The following RPS6KC1 variants were observed in gnomAD, a reference collection of about 807,000 sequenced individuals.
The protein encoded by RPS6KC1 is ribosomal protein S6 kinase C1, also known as inactive ribosomal protein S6 kinase delta-1.
In RPS6KC1, 54 loss-of-function variants were observed where a neutral mutation model predicts 103.8. That is an observed-to-expected ratio of 0.52 (90% CI 0.42 to 0.65). RPS6KC1 has a LOEUF of 0.65. Among genes scored for constraint, RPS6KC1 ranks in the 30% least tolerant of loss-of-function variants. The pLI is 0.00. For synonymous variants in RPS6KC1, 439 were observed against 438.7 expected (o/e 1.00, Z -0.01); for missense variants, 1,151 against 1,253.8 (o/e 0.92, Z 1.24).
At chr1:213,505,617 A>G in the RPS6KC1 span, among the ~76,000 whole-genome samples, 1 of 152,210 alleles carries the variant, frequency 6.6e-6, no homozygotes, top group Non-Finnish European at 1.5e-5. Context: ...CTAACATGCC[A>G]GCATGTACAC....
the RPS6KC1 span, among the ~76,000 whole-genome samples, chr1:213,573,180 A>G: frequency 3.3e-5 from 5 of 152,232 alleles, no homozygotes; most frequent in Admixed American, 6.5e-5. Flanking sequence ...GGTTCCGTCA[A>G]TAAGAAACAG....
intron 8 of RPS6KC1, among the ~76,000 whole-genome samples, chr1:213,224,821 C>T (rs2093920677): frequency 1.3e-5 from 2 of 152,284 alleles, no homozygotes; most frequent in South Asian, 4.1e-4. Context: ...ATGTTTGGCT[C>T]CTTATGATCT....
the RPS6KC1 span, among the ~76,000 whole-genome samples, chr1:213,520,475 A>G: frequency 6.6e-6 from 1 of 152,088 alleles, no homozygotes; most frequent in Non-Finnish European, 1.5e-5. Context: ...TCAAGATGAG[A>G]TTTGGGCGGG....
the RPS6KC1 span, among the ~76,000 whole-genome samples, chr1:213,457,072 A>G: frequency 2.6e-5 from 4 of 152,328 alleles, no homozygotes; most frequent in African/African-American, 7.2e-5. Context: ...TTAAAATAAT[A>G]TAATAGTAAT....
chr1:213,521,133 C>G, the RPS6KC1 span, among the ~76,000 whole-genome samples: 1 of 151,884 alleles, frequency 6.6e-6, no homozygotes, highest in Non-Finnish European at 1.5e-5. Context: ...GTAAGTCTAC[C>G]TTATTATCCT....
At chr1:213,453,983 AAAT>A in the RPS6KC1 span, among the ~76,000 whole-genome samples, 2 of 152,234 alleles carry the variant, frequency 1.3e-5, no homozygotes, top group African/African-American at 2.4e-5. Flanking sequence ...AAGCTTTGTC[AAAT>A]AATAAAAAGG....
chr1:213,672,637 C>A, the RPS6KC1 span, among the ~76,000 whole-genome samples: 2 of 152,104 alleles, frequency 1.3e-5, no homozygotes, highest in East Asian at 3.9e-4. Context: ...TAGAGTTTTA[C>A]TCTACACTCT....
chr1:213,571,113 A>G, the RPS6KC1 span, among the ~76,000 whole-genome samples: 904 of 152,318 alleles, frequency 5.9e-3, 9 homozygotes, highest in African/African-American at 0.017. Context: ...TTTTGCCTGT[A>G]CAGATGTGGC....
chr1:213,180,160 A>G (rs2092174314), intron 8 of RPS6KC1, among the ~76,000 whole-genome samples: 1 of 151,158 alleles, frequency 6.6e-6, no homozygotes, highest in African/African-American at 2.5e-5. Context: ...GTTTAACCTG[A>G]TTAAAAAAAA....
intron 6 of RPS6KC1, among the ~76,000 whole-genome samples, chr1:213,152,251 C>T (rs1432315209): frequency 2.8e-4 from 40 of 145,278 alleles, no homozygotes; most frequent in African/African-American, 6.9e-4. Context: ...ACCTCCCTCC[C>T]GGACGGGGCG....
At chr1:213,803,604 T>G in the RPS6KC1 span, among the ~76,000 whole-genome samples, 1 of 152,026 alleles carries the variant, frequency 6.6e-6, no homozygotes, top group African/African-American at 2.4e-5. Flanking sequence ...CGTTTCAGAG[T>G]GGTCCAGAGT....
intron 12 of RPS6KC1, among the ~76,000 whole-genome samples, chr1:213,247,208 C>T (rs975765842): frequency 2.6e-5 from 4 of 152,198 alleles, no homozygotes; most frequent in African/African-American, 7.2e-5. Context: ...GATCTCCATG[C>T]TCCCAGATGT....
At chr1:213,652,350 G>T in the RPS6KC1 span, among the ~76,000 whole-genome samples, 7 of 152,318 alleles carry the variant, frequency 4.6e-5, no homozygotes, top group Middle Eastern at 3.4e-3. Flanking sequence ...GAGGCACACG[G>T]AAGTAAAGGA....
At chr1:213,250,633 G>A (rs528153760) in intron 12 of RPS6KC1, among the ~76,000 whole-genome samples, 1 of 152,296 alleles carries the variant, frequency 6.6e-6, no homozygotes, top group African/African-American at 2.4e-5. Context: ...CTCATTTCAA[G>A]TACAAGGTCC....
the RPS6KC1 span, among the ~76,000 whole-genome samples, chr1:213,522,117 A>G: frequency 2.0e-5 from 3 of 152,232 alleles, no homozygotes; most frequent in East Asian, 1.9e-4. Context: ...AAGTCAAATG[A>G]CTTCTTGATT....
the RPS6KC1 span, among the ~76,000 whole-genome samples, chr1:213,409,685 T>C: frequency 6.6e-6 from 1 of 152,220 alleles, no homozygotes; most frequent in Non-Finnish European, 1.5e-5. Context: ...GTTTTCCATT[T>C]CTGTTCGGTC....
the RPS6KC1 span, among the ~76,000 whole-genome samples, chr1:213,580,344 A>G: frequency 6.6e-6 from 1 of 152,138 alleles, no homozygotes; most frequent in South Asian, 2.1e-4. Context: ...ATCTTATGAT[A>G]AAACTTGAAT....
chr1:213,717,909 A>G, the RPS6KC1 span, among the ~76,000 whole-genome samples: 1 of 152,130 alleles, frequency 6.6e-6, no homozygotes, highest in South Asian at 2.1e-4. Flanking sequence ...GGTCATACAG[A>G]TGGATTTCCC....
chr1:213,483,188 C>A, the RPS6KC1 span, among the ~76,000 whole-genome samples: 1,846 of 152,136 alleles, frequency 0.012, 26 homozygotes, highest in African/African-American at 0.039. Context: ...GGAAAAAGCC[C>A]CTTATGAAAC....
Sources: gnomAD v4.1 joint callset for allele counts (sites outside exome capture counted in the v4.1 genomes callset) on GRCh38, gnomAD v4.1.1 for gene constraint, MANE v1.5 for transcripts, NCBI Gene and HGNC (gene_info 2026-07-23, HGNC 2026-07-21) for gene names.